The following RAI2 variants were observed in gnomAD, a reference collection of about 807,000 sequenced individuals.
The protein encoded by RAI2 is retinoic acid-induced protein 2.
In RAI2, 5 loss-of-function variants were observed where a neutral mutation model predicts 15.3. The ratio of observed to expected loss-of-function variants is 0.33; its 90% confidence interval spans 0.17 to 0.69. The LOEUF (loss-of-function observed/expected upper bound fraction) is 0.69. RAI2 is among the 30% of genes least tolerant of loss of function. RAI2 has a pLI of 0.69. For synonymous variants in RAI2, 191 were observed against 184.0 expected, an observed-to-expected ratio of 1.04 and a Z score of -0.31; for missense variants, 424 against 424.7, an observed-to-expected ratio of 1.00 and a Z score of 0.01.
At chrX:17,857,048 G>T (rs2067616904) in intron 1 of RAI2, among the ~76,000 whole-genome samples, 2 of 111,886 alleles carry the variant, frequency 1.8e-5, no homozygotes, top group Admixed American at 1.9e-4. Flanking sequence ...GAAAGAATGA[G>T]ATGATGGGCA....
chrX:17,857,384 T>G (rs2067624453), intron 1 of RAI2, among the ~76,000 whole-genome samples: 1 of 111,871 alleles, frequency 8.9e-6, no homozygotes, highest in Non-Finnish European at 1.9e-5. Flanking sequence ...GGGGCTTGCT[T>G]TAACGATACA....
intron 1 of RAI2, among the ~76,000 whole-genome samples, chrX:17,804,076 C>T (rs1184930009): frequency 9.0e-6 from 1 of 110,757 alleles, no homozygotes; most frequent in African/African-American, 3.3e-5. Flanking sequence ...TCTTCTGCCT[C>T]AGCCTCCCGA....
chrX:17,854,295 G>A (rs776787358), intron 1 of RAI2, among the ~76,000 whole-genome samples: 16 of 111,917 alleles, frequency 1.4e-4, no homozygotes, highest in Non-Finnish European at 2.6e-4. Context: ...AATTCCACAC[G>A]GCCAAGATAG....
intron 1 of RAI2, among the ~76,000 whole-genome samples, chrX:17,807,460 G>A (rs1200175200): frequency 3.6e-5 from 4 of 111,882 alleles, no homozygotes; most frequent in African/African-American, 9.8e-5. Context: ...CCCTCTTGTC[G>A]CAGGCACACC....
chrX:17,803,996 G>T (rs2066950401), intron 1 of RAI2, among the ~76,000 whole-genome samples: 1 of 102,246 alleles, frequency 9.8e-6, no homozygotes, highest in Non-Finnish European at 2.0e-5. Flanking sequence ...GTCCTGCTCT[G>T]CAGCCCAGGC....
intron 1 of RAI2, among the ~76,000 whole-genome samples, chrX:17,810,333 T>A (rs1214500488): frequency 8.9e-6 from 1 of 112,124 alleles, no homozygotes; most frequent in African/African-American, 3.2e-5. Flanking sequence ...CCAAAGTATG[T>A]GGGATGGCTT....
chrX:17,803,935 C>A (rs2066948833), intron 1 of RAI2, among the ~76,000 whole-genome samples: 1 of 103,140 alleles, frequency 9.7e-6, no homozygotes, highest in South Asian at 4.0e-4. Context: ...CTCCAACATG[C>A]CTTTTTTTTT....
chrX:17,850,912 T>C (rs2067524666), intron 1 of RAI2, among the ~76,000 whole-genome samples: 1 of 113,012 alleles, frequency 8.8e-6, no homozygotes, highest in South Asian at 3.6e-4. Context: ...AAGGTTTAGC[T>C]TTAAACAAAA....
At chrX:17,808,453 ACT>A (rs894566383) in intron 1 of RAI2, among the ~76,000 whole-genome samples, 10 of 110,745 alleles carry the variant, frequency 9.0e-5, no homozygotes, top group African/African-American at 3.0e-4. Context: ...TACCCCTAAG[ACT>A]CTGATTTAAT....
intron 1 of RAI2, among the ~76,000 whole-genome samples, chrX:17,845,115 C>G (rs780322146): frequency 8.9e-6 from 1 of 112,078 alleles, no homozygotes; most frequent in African/African-American, 3.3e-5. Context: ...ATATCTACTC[C>G]TCATACAGTG....
At position 17,800,815 on chromosome X, in the gene RAI2, T is replaced by C. The variant is rs765447117; in HGVS notation, c.1196A>G (p.Asp399Gly). The change falls in exon 2 of 2, where the codon GAT (aspartate) becomes GGT (glycine). Residue 399 changes from aspartate (D) to glycine (G), a missense_variant. Coordinates refer to ENST00000451717, the MANE Select transcript of RAI2 (RefSeq NM_021785.6). ...ATSHEAPAMM[D>G]SHISSSDAAT... ...AGCATCACTGCTGCTGATGTGACTATCCATCATGGCTGGGGCCTCATGGGA... is the reference window on the plus strand; with the variant it reads ...AGCATCACTGCTGCTGATGTGACTACCCATCATGGCTGGGGCCTCATGGGA... The C allele has an allele frequency of 2.5e-6, 3 of 1,211,810 alleles. No individual in the cohort carries two copies. In the Admixed American group the frequency reaches 6.5e-5, roughly 26 times the overall value.
intron 1 of RAI2, among the ~76,000 whole-genome samples, chrX:17,860,274 G>C (rs1434361346): frequency 1.8e-5 from 2 of 112,625 alleles, no homozygotes; most frequent in Admixed American, 1.9e-4. Flanking sequence ...AACAATAGTC[G>C]GGCTTTAAAT....
intron 1 of RAI2, among the ~76,000 whole-genome samples, chrX:17,840,418 G>A (rs757834753): frequency 8.4e-4 from 93 of 110,887 alleles, no homozygotes; most frequent in African/African-American, 3.0e-3. Flanking sequence ...TGCATCTATC[G>A]GTGTAAAATA....
At chrX:17,825,945 C>A (rs765701445) in intron 1 of RAI2, among the ~76,000 whole-genome samples, 1 of 112,511 alleles carries the variant, frequency 8.9e-6, no homozygotes, top group Non-Finnish European at 1.9e-5. Flanking sequence ...CTGAGAGATT[C>A]TCTTGGCCCT....
intron 1 of RAI2, among the ~76,000 whole-genome samples, chrX:17,803,779 T>C (rs1272119047): frequency 9.0e-6 from 1 of 110,563 alleles, no homozygotes; most frequent in African/African-American, 3.3e-5. Flanking sequence ...CTGGAAGCCA[T>C]GAGGTGACCC....
At chrX:17,831,592 T>C (rs759859629) in intron 1 of RAI2, among the ~76,000 whole-genome samples, 1 of 111,906 alleles carries the variant, frequency 8.9e-6, no homozygotes, top group African/African-American at 3.3e-5. Flanking sequence ...ATCTGAAAAC[T>C]TGAAGAAGGT....
intron 1 of RAI2, among the ~76,000 whole-genome samples, chrX:17,855,774 G>T (rs1383876161): frequency 1.8e-5 from 2 of 112,281 alleles, no homozygotes; most frequent in South Asian, 7.5e-4. Flanking sequence ...AAAAATAAAA[G>T]AAGCCACTAA....
chrX:17,846,161 C>G (rs1226061459), intron 1 of RAI2, among the ~76,000 whole-genome samples: 1 of 112,257 alleles, frequency 8.9e-6, no homozygotes, highest in Non-Finnish European at 1.9e-5. Flanking sequence ...CATCCCCATA[C>G]TGATGCCAGT....
At chrX:17,854,102 C>T (rs1317348014) in intron 1 of RAI2, among the ~76,000 whole-genome samples, 1 of 111,968 alleles carries the variant, frequency 8.9e-6, no homozygotes, top group Admixed American at 9.4e-5. Flanking sequence ...ACATATTTTT[C>T]CAGAGCACAA....
Sources: gnomAD v4.1 joint callset for allele counts (sites outside exome capture counted in the v4.1 genomes callset) on GRCh38, gnomAD v4.1.1 for gene constraint, MANE v1.5 for transcripts, NCBI Gene and HGNC (gene_info 2026-07-23, HGNC 2026-07-21) for gene names.